The following N4BP2 variants were observed in gnomAD, a reference collection of about 807,000 sequenced individuals.
N4BP2 encodes the protein NEDD4 binding protein 2.
Under a neutral mutation model 152.8 loss-of-function variants are expected in N4BP2, and 91 were observed. The observed-to-expected ratio is 0.60, with a 90% confidence interval of 0.50 to 0.71. The LOEUF (loss-of-function observed/expected upper bound fraction) is 0.71, where lower values mean the gene tolerates loss of function less well. Ranked by LOEUF, N4BP2 falls within the 30% of genes least tolerant of loss-of-function variation. The pLI is 0.00. For missense variants in N4BP2, 1,923 were observed against 2,059.1 expected (o/e 0.93, Z 1.28); for synonymous variants, 646 against 705.3 (o/e 0.92, Z 1.33).
At chr4:40,148,198 C>T (rs895629175) in intron 16 of N4BP2, among the ~76,000 whole-genome samples, 15 of 152,228 alleles carry the variant, frequency 9.9e-5, no homozygotes, top group African/African-American at 2.2e-4. Context: ...TCTGCAATCC[C>T]GGCACCTCGG....
intron 2 of N4BP2, chr4:40,078,112 A>AGTGTGTGTGT (rs1560574647): frequency 6.5e-5 from 6 of 92,788 alleles, no homozygotes; most frequent in African/African-American, 2.5e-4. Flanking sequence ...AATATTTCTA[A>AGTGTGTGTGT]ATGTGTGTGT....
intron 16 of N4BP2, among the ~76,000 whole-genome samples, chr4:40,147,915 C>T (rs1381469153): frequency 6.6e-6 from 1 of 151,542 alleles, no homozygotes; most frequent in Non-Finnish European, 1.5e-5. Context: ...AGGCGCTCCC[C>T]ACATTTCAGA....
At chr4:40,093,748 G>A (rs978760296) in intron 2 of N4BP2, among the ~76,000 whole-genome samples, 1 of 151,946 alleles carries the variant, frequency 6.6e-6, no homozygotes, top group Non-Finnish European at 1.5e-5. Context: ...TCTTCAGTGC[G>A]CGTGCCAGCG....
chr4:40,061,741 T>A (rs1281069948), intron 1 of N4BP2, among the ~76,000 whole-genome samples: 2 of 151,366 alleles, frequency 1.3e-5, no homozygotes, highest in Non-Finnish European at 2.9e-5. Context: ...CTCGGCTCAC[T>A]GCAACCTCCG....
At chr4:40,079,423 G>GT (rs35152952) in intron 2 of N4BP2, among the ~76,000 whole-genome samples, 12,208 of 133,746 alleles carry the variant, frequency 0.091, 971 homozygotes, top group East Asian at 0.42. Context: ...ACCCTGGATG[G>GT]TTTTTTTTTT....
In N4BP2 at chr4:40,142,774, C is replaced by G; in HGVS notation, c.4887C>G (p.His1629Gln). Residue 1629 changes from histidine to glutamine, a missense_variant, in exon 15 of 18, where the codon CAC (histidine) becomes CAG (glutamine). His to Gln is a conservative substitution (Grantham distance 24). Transcript: ENST00000261435. ...YDDYRAEAFL[H>Q]QQKRMECYSK... ...ACTACAGAGCAGAGGCTTTCCTTCA[C>G]CAACAGAAGAGGATGGAGTGCTACA... The G allele has an allele frequency of 3.7e-6, 6 of 1,614,028 alleles. No homozygotes were observed. The highest frequency in any genetic ancestry group is 1.1e-5 in the South Asian group (1 of 91,080).
intron 1 of N4BP2, among the ~76,000 whole-genome samples, chr4:40,064,447 G>A (rs1399356201): frequency 6.6e-6 from 1 of 151,960 alleles, no homozygotes; most frequent in African/African-American, 2.4e-5. Flanking sequence ...GCTAATTTTT[G>A]TATTTTTAGT....
Position 40,154,572 on chromosome 4 carries a change from G to T in N4BP2, c.*335G>T, listed in dbSNP as rs780885965. 9.4e-6 allele frequency: 2 copies of T among 212,354 alleles called. No individual in the cohort carries two copies. The highest frequency in any genetic ancestry group is 1.8e-5 in the Non-Finnish European group (2 of 108,340). The allele number at this position is 212,354 out of a possible 1,614,324, so 13.2% of individuals were successfully genotyped here. ...TAATTGTTGTATGACATTTAGTAAT[G>T]TCCTAAAAGTCTTTTGTGAGAGGTA... is the stretch of plus-strand genomic sequence containing the variant. On this transcript the variant is annotated 3_prime_UTR_variant, in exon 18 of 18. Coordinates refer to ENST00000261435, the MANE Select transcript of N4BP2 (RefSeq NM_018177.6).
chr4:40,076,637 C>T (rs28630396), intron 2 of N4BP2, among the ~76,000 whole-genome samples: 2,914 of 152,042 alleles, frequency 0.019, 115 homozygotes, highest in African/African-American at 0.067. Flanking sequence ...TACAGGCTCC[C>T]GCCACCACGC....
At chr4:40,119,889 A>T (rs1424063854) in intron 8 of N4BP2, 43 bp from the exon 9 acceptor site, 1 of 933,238 alleles carries the variant, frequency 1.1e-6, no homozygotes, top group Non-Finnish European at 1.6e-6. Context: ...TGATGGCAGC[A>T]TTAAGAGACT....
rs768349447 is a variant in N4BP2, at chr4:40,106,912, G to A, written c.1386G>A (p.Glu462=). 1.4e-5 allele frequency: 23 copies of A among 1,608,576 alleles called. No homozygotes were observed. Among genetic ancestry groups the A allele is most frequent in the Non-Finnish European group, 2.0e-5 (23 of 1,176,734 alleles). The change falls in exon 5 of 18, where the codon GAG becomes GAA. Residue 462 remains glutamate (E), a synonymous_variant. Coordinates refer to ENST00000261435, the MANE Select transcript of N4BP2 (RefSeq NM_018177.6). ...TTATCTTTCACAGGACTTTGCAAGA[G>A]GATAATCCAAGTGGAGTCATTCTTA... is the stretch of plus-strand genomic sequence containing the variant. ...GKSFLARTLQ[E]DNPSGVILST...
chr4:40,079,483 T>C (rs1713138331), intron 2 of N4BP2, among the ~76,000 whole-genome samples: 1 of 151,952 alleles, frequency 6.6e-6, no homozygotes, highest in Non-Finnish European at 1.5e-5. Flanking sequence ...TATTTTTTTT[T>C]TCAGTGTAGG....
rs546404307 is a variant in N4BP2, at chr4:40,121,633, T to C, written c.3522T>C (p.Ser1174=). 4.3e-6 allele frequency: 7 copies of C among 1,614,184 alleles called. No individual in the cohort carries two copies. In the East Asian group the frequency reaches 1.3e-4, roughly 31 times the overall value. ...GAGGAACTTTAGAGAATTCTAATTC[T>C]CCTGTGCCAGAGTTTAGCCATGGGA... ...SQRGTLENSN[S]PVPEFSHGIG... Residue 1174 remains serine, a synonymous_variant, in exon 9 of 18, where the codon TCT becomes TCC. Transcript: ENST00000261435.
chr4:40,100,326 C>G (rs886258335), intron 3 of N4BP2, among the ~76,000 whole-genome samples: 3 of 151,944 alleles, frequency 2.0e-5, no homozygotes, highest in African/African-American at 7.2e-5. Flanking sequence ...AATAAACAAC[C>G]CCTCCCTCCA....
chr4:40,111,303 C>G (rs1716855792), intron 5 of N4BP2, among the ~76,000 whole-genome samples: 1 of 152,096 alleles, frequency 6.6e-6, no homozygotes, highest in African/African-American at 2.4e-5. Context: ...AGGTCTTTCT[C>G]TCTTACTTGA....
chr4:40,060,543 C>T (rs981094238), intron 1 of N4BP2, among the ~76,000 whole-genome samples: 11 of 152,072 alleles, frequency 7.2e-5, no homozygotes, highest in African/African-American at 2.7e-4. Flanking sequence ...CTGTGCCCGG[C>T]CGCACATACT....
rs1183771849 is a variant in N4BP2 at position 40,122,088 on chromosome 4, A to G, written c.3977A>G (p.Asp1326Gly). The part of the protein sequence containing the change: ...NFPKDYVKFS[D>G]EEEFMNEDEK... ...CCAAAGGATTATGTGAAATTTTCAG[A>G]TGAAGAAGAATTTATGAATGAAGAT... is the stretch of plus-strand genomic sequence containing the variant. Residue 1326 changes from aspartate (D) to glycine (G), a missense_variant, in exon 9 of 18, where the codon GAT (aspartate) becomes GGT (glycine). Physicochemically the swap from Asp to Gly is moderately conservative, Grantham distance 94. Coordinates refer to ENST00000261435, the MANE Select transcript of N4BP2 (RefSeq NM_018177.6). 4 of 1,571,012 alleles carry G rather than the reference A, an allele frequency of 2.5e-6. No homozygotes were observed. Among genetic ancestry groups the G allele is most frequent in the East Asian group, 2.3e-5 (1 of 44,240 alleles).
chr4:40,066,117 G>A (rs1158086399), intron 1 of N4BP2, among the ~76,000 whole-genome samples: 3 of 151,090 alleles, frequency 2.0e-5, no homozygotes, highest in Non-Finnish European at 4.4e-5. Flanking sequence ...TTTTAGTAGA[G>A]ATGGGGTTTC....
Position 40,103,171 on chromosome 4 carries a change from T to C in N4BP2, c.1326T>C (p.Leu442=), listed in dbSNP as rs1172806058. ...RKKTSYVGLV[L]VLLRGLPGSG... is the part of the protein sequence containing the mutation. ...AGACATCTTACGTTGGACTAGTTCT[T>C]GTTCTTCTCAGAGGTCTTCCGGGAT... The change falls in exon 4 of 18, where the codon CTT becomes CTC. Residue 442 remains leucine (L), a synonymous_variant. Coordinates refer to ENST00000261435, the MANE Select transcript of N4BP2 (RefSeq NM_018177.6). The C allele has an allele frequency of 6.2e-7, 1 of 1,614,004 alleles. No homozygotes were observed. The highest frequency in any genetic ancestry group is 1.7e-5 in the Admixed American group (1 of 59,960).
Sources: gnomAD v4.1 joint callset for allele counts (sites outside exome capture counted in the v4.1 genomes callset) on GRCh38, gnomAD v4.1.1 for gene constraint, MANE v1.5 for transcripts, NCBI Gene and HGNC (gene_info 2026-07-23, HGNC 2026-07-21) for gene names.